Variants in BSN observed in about 807,000 individuals in gnomAD.
BSN encodes the protein bassoon presynaptic cytomatrix protein.
BSN carries 57 observed loss-of-function variants against 264.8 expected under a neutral mutation model. The ratio of observed to expected loss-of-function variants is 0.22; its 90% CI spans 0.17 to 0.27. The LOEUF is 0.27. Ranked by LOEUF, BSN falls within the 10% of genes least tolerant of loss-of-function variation. BSN has a pLI of 1.00. For missense variants in BSN, 4,615 were observed against 5,232.5 expected, an observed-to-expected ratio of 0.88 and a Z score of 3.64; for synonymous variants, 2,059 against 2,137.3, an observed-to-expected ratio of 0.96 and a Z score of 1.01.
At position 49,661,621 on chromosome 3, in the gene BSN, C is replaced by T; in HGVS notation, c.9776C>T (p.Pro3259Leu). 2 of 1,613,618 alleles carry T rather than the reference C, an allele frequency of 1.2e-6. No individual in the cohort carries two copies. Among genetic ancestry groups the T allele is most frequent in the Non-Finnish European group, 1.7e-6 (2 of 1,180,036 alleles). Residue 3259 changes from proline (P) to leucine (L), a missense_variant, in exon 6 of 12, where the codon CCA (proline) becomes CTA (leucine). Coordinates refer to ENST00000296452, the MANE Select transcript of BSN (RefSeq NM_003458.4). The part of the protein sequence containing the change: ...PDSQRLEPLG[P>L]GSSGRPGKEP... The stretch of plus-strand genomic sequence containing the variant: ...AGCCAACGGCTGGAGCCCCTGGGGC[C>T]AGGCAGCAGTGGGCGTCCAGGGAAG...
intron 1 of BSN, among the ~76,000 whole-genome samples, chr3:49,581,271 C>A (rs2051893823): frequency 6.6e-6 from 1 of 152,212 alleles, no homozygotes; most frequent in African/African-American, 2.4e-5. Flanking sequence ...AGGCATGAGC[C>A]ACTGCGCCTG....
intron 1 of BSN, among the ~76,000 whole-genome samples, chr3:49,618,662 T>C (rs1221020094): frequency 6.6e-6 from 1 of 152,256 alleles, no homozygotes; most frequent in African/African-American, 2.4e-5. Context: ...CTGAGCATGC[T>C]CTGCTGTGCC....
intron 1 of BSN, among the ~76,000 whole-genome samples, chr3:49,615,945 A>G (rs4855849): frequency 0.82 from 124,587 of 152,230 alleles, 51,342 homozygotes; most frequent in East Asian, 0.99. Context: ...GGGGTTGAGG[A>G]ATACGGGAGG....
chr3:49,653,977 C>G lies in BSN; in HGVS notation c.4421C>G (p.Ala1474Gly). The G allele has an allele frequency of 6.2e-7, 1 of 1,614,050 alleles. No homozygotes were observed. The highest frequency in any genetic ancestry group is 2.2e-5 in the East Asian group (1 of 44,890). The change falls in exon 5 of 12, where the codon GCA (alanine) becomes GGA (glycine). Residue 1474 changes from alanine to glycine, a missense_variant. By Grantham distance (60) the Ala-to-Gly change is moderately conservative (BLOSUM62 0). Coordinates refer to ENST00000296452, the MANE Select transcript of BSN (RefSeq NM_003458.4). The surrounding 1 kb of genome is among the most constrained non-coding windows in gnomAD (Gnocchi z 6.3). ...PQPSRAYSYF[A>G]SSSPPLSPSS... The stretch of plus-strand genomic sequence containing the variant: ...CCTTCCCGGGCATATTCCTACTTTG[C>G]AAGCTCCAGCCCACCTCTCTCCCCG...
At chr3:49,573,251 ATAGG>A (rs1217387411) in intron 1 of BSN, among the ~76,000 whole-genome samples, 5 of 152,340 alleles carry the variant, frequency 3.3e-5, no homozygotes, top group South Asian at 4.1e-4. Flanking sequence ...AGTCAAGGAA[ATAGG>A]TAGGTGGGGA....
chr3:49,656,582 T>A lies in BSN; in HGVS notation c.7026T>A (p.Pro2342=), dbSNP rs2052604089. ...AGQKPPADAA[P]GGGSGALSRP... ...AGAAGCCACCAGCAGATGCTGCTCC[T>A]GGGGGTGGCAGTGGGGCCCTCAGCC... Residue 2342 remains proline (P), a synonymous_variant, in exon 5 of 12, where the codon CCT becomes CCA. Transcript: ENST00000296452. 1 of 1,592,556 alleles carries A rather than the reference T, an allele frequency of 6.3e-7. No homozygotes were observed. Among genetic ancestry groups the A allele is most frequent in the East Asian group, 2.2e-5 (1 of 44,500 alleles).
intron 1 of BSN, among the ~76,000 whole-genome samples, chr3:49,600,651 AAAATT>A (rs71627399): frequency 0.29 from 43,959 of 151,654 alleles, 6,777 homozygotes; most frequent in Middle Eastern, 0.31. Flanking sequence ...AAAAATAAAA[AAAATT>A]AGTCGGTTGT....
rs1396089478 is a variant in BSN, at chr3:49,655,329, G to C, written c.5773G>C (p.Glu1925Gln). Reference sequence around the variant, plus strand: ...CTTCCACCCGGCCCCCAGTGTGCCTGAGAAGAGCATGGCAGATGCTGCCCC... The same window carrying C: ...CTTCCACCCGGCCCCCAGTGTGCCTCAGAAGAGCATGGCAGATGCTGCCCC... ...GTFHPAPSVPEKSMADAAPPG... is the reference protein window; with the variant it reads ...GTFHPAPSVPQKSMADAAPPG... The change falls in exon 5 of 12, where the codon GAG (glutamate) becomes CAG (glutamine). Residue 1925 changes from glutamate (E) to glutamine (Q), a missense_variant. By Grantham distance (29) the Glu-to-Gln change is conservative (BLOSUM62 2). Around this residue, in one of 3 missense-constraint regions of BSN, gnomAD observed 3,415 missense variants for 3,866.4 expected, o/e 0.88. Transcript: ENST00000296452. 6.2e-7 allele frequency: 1 copy of C among 1,608,696 alleles called. No individual in the cohort carries two copies. The highest frequency in any genetic ancestry group is 2.2e-5 in the East Asian group (1 of 44,892).
chr3:49,578,778 C>A (rs2051868249), intron 1 of BSN, among the ~76,000 whole-genome samples: 1 of 152,104 alleles, frequency 6.6e-6, no homozygotes, highest in African/African-American at 2.4e-5. Flanking sequence ...ACTTTCCATT[C>A]TTCCCCCCTC....
At chr3:49,632,654 A>G (rs2108063889) in intron 2 of BSN, among the ~76,000 whole-genome samples, 1 of 152,314 alleles carries the variant, frequency 6.6e-6, no homozygotes, top group East Asian at 1.9e-4. Flanking sequence ...AAATAAAAAA[A>G]TAAGCCAGAC....
At chr3:49,613,303 C>CGAGCGAGCGAGAGAGAGAGA (rs1553662875) in intron 1 of BSN, among the ~76,000 whole-genome samples, 1 of 47,332 alleles carries the variant, frequency 2.1e-5, no homozygotes, top group African/African-American at 7.0e-5. Flanking sequence ...ACACACAGAG[C>CGAGCGAGCGAGAGAGAGAGA]GAGAGAGAGA....
At chr3:49,589,084 T>TTTTTTG (rs2051957547) in intron 1 of BSN, among the ~76,000 whole-genome samples, 1 of 147,638 alleles carries the variant, frequency 6.8e-6, no homozygotes, top group Non-Finnish European at 1.5e-5. Flanking sequence ...CTGGCTAAAT[T>TTTTTTG]TTTTTTTTTT....
Position 49,643,020 on chromosome 3 carries a change from G to A in BSN, c.1386G>A (p.Arg462=). The change falls in exon 3 of 12, where the codon AGG becomes AGA. Residue 462 remains arginine (R), a synonymous_variant. Coordinates refer to ENST00000296452, the MANE Select transcript of BSN (RefSeq NM_003458.4). ...AAKPKTMPKE[R]AICPLCQAEL... is the part of the protein sequence containing the mutation. ...AGCCAAAGACCATGCCGAAGGAAAG[G>A]GCCATCTGCCCACTGTGCCAAGCCG... The A allele has an allele frequency of 1.2e-6, 2 of 1,614,104 alleles. No homozygotes were observed. Among genetic ancestry groups the A allele is most frequent in the South Asian group, 2.2e-5 (2 of 91,088 alleles).
At chr3:49,609,689 C>CA (rs2052188502) in intron 1 of BSN, among the ~76,000 whole-genome samples, 1 of 152,130 alleles carries the variant, frequency 6.6e-6, no homozygotes, top group African/African-American at 2.4e-5. Context: ...TATGAGCGTT[C>CA]ACACATGTGA....
At chr3:49,606,760 T>C (rs11921590) in intron 1 of BSN, among the ~76,000 whole-genome samples, 43,535 of 151,966 alleles carry the variant, frequency 0.29, 6,743 homozygotes, top group Middle Eastern at 0.31. Flanking sequence ...TCAAGCTACC[T>C]TGAGTCCCCA....
intron 1 of BSN, among the ~76,000 whole-genome samples, chr3:49,595,107 T>C (rs541422073): frequency 2.0e-5 from 3 of 152,282 alleles, no homozygotes; most frequent in East Asian, 1.9e-4. Context: ...GCCAGGATGG[T>C]CTCGATCTCC....
At chr3:49,617,637 C>G (rs573837945) in intron 1 of BSN, among the ~76,000 whole-genome samples, 1 of 152,116 alleles carries the variant, frequency 6.6e-6, no homozygotes, top group South Asian at 2.1e-4. Context: ...TCCTGCCCAG[C>G]GGCCATATTT....
At chr3:49,584,433 G>A (rs367821345) in intron 1 of BSN, among the ~76,000 whole-genome samples, 9 of 151,428 alleles carry the variant, frequency 5.9e-5, no homozygotes, top group South Asian at 4.2e-4. Flanking sequence ...GTATTAAGTC[G>A]GAAGTTTAGG....
chr3:49,654,970 C>T lies in BSN; in HGVS notation c.5414C>T (p.Pro1805Leu), dbSNP rs1435278931. The change falls in exon 5 of 12, where the codon CCC (proline) becomes CTC (leucine). Residue 1805 changes from proline (P) to leucine (L), a missense_variant. Pro to Leu is a moderately conservative substitution (Grantham distance 98, BLOSUM62 -3). Around this residue, in one of 3 missense-constraint regions of BSN, gnomAD observed 3,415 missense variants for 3,866.4 expected, o/e 0.88. Transcript: ENST00000296452. This position sits in a 1 kb window ranked among gnomAD's most constrained non-coding sequence, Gnocchi z 4.1. ...REAKFARYNL[P>L]NQVAPLARRD... ...GCCAAGTTTGCCAGATATAACCTAC[C>T]CAACCAAGTAGCTCCTCTGGCCAGA... 1 of 1,612,776 alleles carries T rather than the reference C, an allele frequency of 6.2e-7. No individual in the cohort carries two copies. Among genetic ancestry groups the T allele is most frequent in the African/African-American group, 1.3e-5 (1 of 75,058 alleles).
Sources: allele counts gnomAD v4.1 joint callset (sites outside exome capture counted in the v4.1 genomes callset), GRCh38; gene constraint gnomAD v4.1.1; regional missense constraint gnomAD v4.1.1; non-coding constraint Gnocchi (gnomAD v3.1); transcripts MANE v1.5; gene names NCBI Gene and HGNC (gene_info 2026-07-23, HGNC 2026-07-21).